The following BCLAF1 variants were observed in gnomAD, a reference collection of about 807,000 sequenced individuals.
BCLAF1 encodes bcl-2-associated transcription factor 1.
In BCLAF1, 10 loss-of-function variants were observed where a neutral mutation model predicts 99.5. The observed-to-expected ratio is 0.10, with a 90% CI of 0.06 to 0.17. The LOEUF (loss-of-function observed/expected upper bound fraction) is 0.17, where lower values mean the gene tolerates loss of function less well. BCLAF1 is among the 10% of genes least tolerant of loss of function. The pLI is 1.00. For missense variants in BCLAF1, 636 were observed against 1,105.8 expected, an observed-to-expected ratio of 0.58 and a Z score of 6.02; for synonymous variants, 255 against 370.9, an observed-to-expected ratio of 0.69 and a Z score of 3.59.
In BCLAF1 at chr6:136,269,549, C is replaced by T. The variant is rs1032225109; in HGVS notation, c.2107G>A (p.Glu703Lys). 6.2e-7 allele frequency: 1 copy of T among 1,612,240 alleles called. No individual in the cohort carries two copies. Among genetic ancestry groups the T allele is most frequent in the African/African-American group, 1.3e-5 (1 of 74,792 alleles). ...GAATCTCCCCGTTCTTTACTTCTTT[C>T]TTTTCTACGGCGATCAATGTCATGC... ...LRHDIDRRRK[E>K]RSKERGDSKG... The change falls in exon 9 of 13, where the codon GAA (glutamate) becomes AAA (lysine). Residue 703 changes from glutamate to lysine, a missense_variant. Glu to Lys is a moderately conservative substitution (Grantham distance 56, BLOSUM62 1). Coordinates refer to ENST00000531224, the MANE Select transcript of BCLAF1 (RefSeq NM_014739.3).
intron 7 of BCLAF1, 100 bp from the exon 8 acceptor site, chr6:136,272,179 C>A: frequency 1.3e-6 from 1 of 788,066 alleles, no homozygotes; most frequent in Non-Finnish European, 2.0e-6. Context: ...TATTTCTCTC[C>A]CAATCAACTA....
At chr6:136,273,636 T>C (rs1046713109) in intron 6 of BCLAF1, 1 of 158,322 alleles carries the variant, frequency 6.3e-6, no homozygotes, top group Admixed American at 6.1e-5. Context: ...AGTGACTATA[T>C]GCTGCCATAT....
chr6:136,273,540 T>A (rs1319217324), intron 6 of BCLAF1: 1 of 169,162 alleles, frequency 5.9e-6, no homozygotes, highest in Non-Finnish European at 1.3e-5. Flanking sequence ...ATGACATTAC[T>A]TCAAGTAATC....
chr6:136,273,397 T>C (rs1201444462), intron 6 of BCLAF1: 2 of 496,706 alleles, frequency 4.0e-6, no homozygotes, highest in Non-Finnish European at 7.2e-6. Context: ...TCCCTGTCAA[T>C]ACTACATCTA....
chr6:136,275,878 G>A lies in BCLAF1; in HGVS notation c.1647C>T (p.Leu549=), dbSNP rs775575081. Residue 549 remains leucine (L), a synonymous_variant, in exon 5 of 13, where the codon CTC becomes CTT. Coordinates refer to ENST00000531224, the MANE Select transcript of BCLAF1 (RefSeq NM_014739.3). ...ASDSHRPEVK[L]KMAPVPLDDS... is the part of the protein sequence containing the mutation. ...CATCAAGAGGAACAGGTGCCATTTT[G>A]AGTTTGACTTCAGGACGGTGAGAAT... 2.5e-6 allele frequency: 4 copies of A among 1,612,836 alleles called. No homozygotes were observed. Among genetic ancestry groups the A allele is most frequent in the Non-Finnish European group, 3.4e-6 (4 of 1,179,622 alleles).
At chr6:136,281,592 G>A (rs995285985) in intron 2 of BCLAF1, among the ~76,000 whole-genome samples, 1 of 152,104 alleles carries the variant, frequency 6.6e-6, no homozygotes, top group African/African-American at 2.4e-5. Flanking sequence ...ACTATAAAAA[G>A]AAACCAGAGC....
chr6:136,276,530 G>C, intron 4 of BCLAF1, 22 bp from the exon 5 acceptor site: 1 of 1,567,190 alleles, frequency 6.4e-7, no homozygotes, highest in African/African-American at 1.4e-5. Context: ...CAAAGAAGAG[G>C]ATAGTAACTC....
intron 10 of BCLAF1, among the ~76,000 whole-genome samples, chr6:136,267,402 G>A (rs1467478848): frequency 6.6e-6 from 1 of 151,926 alleles, no homozygotes; most frequent in Non-Finnish European, 1.5e-5. Context: ...TTAGAATACT[G>A]TACTTTCATG....
intron 3 of BCLAF1, among the ~76,000 whole-genome samples, chr6:136,279,205 A>T (rs1410225839): frequency 6.6e-6 from 1 of 152,128 alleles, no homozygotes; most frequent in African/African-American, 2.4e-5. Flanking sequence ...TACATACATA[A>T]TATAAAGTTA....
chr6:136,277,484 A>C (rs1419772514), intron 4 of BCLAF1, among the ~76,000 whole-genome samples: 1 of 152,146 alleles, frequency 6.6e-6, no homozygotes, highest in Non-Finnish European at 1.5e-5. Context: ...TTAATTCTGG[A>C]CCGAAAATGG....
At chr6:136,271,764 T>C (rs74975873) in intron 8 of BCLAF1, among the ~76,000 whole-genome samples, 4,319 of 151,934 alleles carry the variant, frequency 0.028, 209 homozygotes, top group African/African-American at 0.097. Flanking sequence ...GACTATTTTT[T>C]TTCCTTTCAT....
At chr6:136,284,130 G>GTGTGTATATACATATATATA (rs36141174) in intron 1 of BCLAF1, among the ~76,000 whole-genome samples, 4 of 122,120 alleles carry the variant, frequency 3.3e-5, no homozygotes, top group African/African-American at 1.6e-4. Context: ...GTGTGTGTGT[G>GTGTGTATATACATATATATA]TATATATATA....
At position 136,256,896 on chromosome 6, in the gene BCLAF1, C is replaced by CT. The variant is rs1210217350; in HGVS notation, c.*4213dup. 1 of 152,102 alleles carries CT rather than the reference C, an allele frequency of 6.6e-6. No individual in the cohort carries two copies. The highest frequency in any genetic ancestry group is 1.5e-5 in the Non-Finnish European group (1 of 68,038). The allele number at this position is 152,102 out of a possible 1,614,324, so 9.4% of individuals were successfully genotyped here. On this transcript the variant is annotated 3_prime_UTR_variant, in exon 13 of 13. Transcript: ENST00000531224. The stretch of plus-strand genomic sequence containing the variant: ...GTGGTATTTTTTATTTATTGTTGCT[C>CT]TTCGCATTCCATGAAATTTGTAATC...
chr6:136,263,614 A>G (rs987395959), intron 11 of BCLAF1, among the ~76,000 whole-genome samples: 6 of 152,218 alleles, frequency 3.9e-5, no homozygotes, highest in African/African-American at 1.4e-4. Flanking sequence ...AGTCTGTATT[A>G]GAAACCAAGA....
chr6:136,283,199 A>G (rs1014469808), intron 1 of BCLAF1, among the ~76,000 whole-genome samples: 1 of 151,518 alleles, frequency 6.6e-6, no homozygotes, highest in African/African-American at 2.4e-5. Context: ...AAAAAAAAAA[A>G]AAAAAGGTAA....
intron 6 of BCLAF1, chr6:136,273,905 C>T: frequency 1.0e-6 from 1 of 1,003,746 alleles, no homozygotes; most frequent in Non-Finnish European, 1.3e-6. Context: ...TATGAAATGT[C>T]ACATTATGAA....
intron 9 of BCLAF1, 41 bp from the exon 10 acceptor site, chr6:136,268,380 A>C (rs1339454056): frequency 6.6e-7 from 1 of 1,514,338 alleles, no homozygotes; most frequent in East Asian, 2.3e-5. Flanking sequence ...ACTTTTAAAA[A>C]GATAAAGACC....
At chr6:136,269,232 A>G in intron 9 of BCLAF1, 2 of 1,468,322 alleles carry the variant, frequency 1.4e-6, no homozygotes, top group Admixed American at 2.6e-5. Context: ...TTTTTTTTTC[A>G]GTGTTAGCTT....
chr6:136,263,255 A>G (rs1304092576), intron 11 of BCLAF1, among the ~76,000 whole-genome samples: 3 of 152,188 alleles, frequency 2.0e-5, no homozygotes, highest in East Asian at 1.9e-4. Flanking sequence ...CATTTCCCAG[A>G]TATCTTGGTG....
Sources: gnomAD v4.1 joint callset for allele counts (sites outside exome capture counted in the v4.1 genomes callset) on GRCh38, gnomAD v4.1.1 for gene constraint, MANE v1.5 for transcripts, NCBI Gene and HGNC (gene_info 2026-07-23, HGNC 2026-07-21) for gene names.